TNS1: variants seen among roughly 807,000 people sequenced by gnomAD.
TNS1 encodes the protein tensin-1.
Under a neutral mutation model 168.6 loss-of-function variants are expected in TNS1, and 62 were observed. The ratio of observed to expected loss-of-function variants is 0.37; its 90% CI spans 0.30 to 0.45. The LOEUF (loss-of-function observed/expected upper bound fraction) is 0.45, where lower values mean the gene tolerates loss of function less well. Ranked by LOEUF, TNS1 falls within the 20% of genes least tolerant of loss-of-function variation. The probability of loss-of-function intolerance (pLI) is 1.00; values close to 1 mark genes in which losing one functional copy is unlikely to be tolerated. For missense variants in TNS1, 2,240 were observed against 2,339.4 expected, an observed-to-expected ratio of 0.96 and a Z score of 0.88; for synonymous variants, 934 against 933.2, an observed-to-expected ratio of 1.00 and a Z score of -0.02.
At chr2:217,983,082 ACAGC>A (rs1958096545) in intron 2 of TNS1, among the ~76,000 whole-genome samples, 2 of 152,078 alleles carry the variant, frequency 1.3e-5, no homozygotes, top group Admixed American at 1.3e-4. Context: ...TGCTGGGGAG[ACAGC>A]CAGTCTGTGA....
At chr2:217,968,917 A>T (rs1957713314) in intron 3 of TNS1, among the ~76,000 whole-genome samples, 1 of 151,938 alleles carries the variant, frequency 6.6e-6, no homozygotes, top group Non-Finnish European at 1.5e-5. Context: ...CTGGTCTCGA[A>T]CTCCTTACCC....
chr2:217,840,083 G>A (rs1451652074), intron 19 of TNS1, among the ~76,000 whole-genome samples: 1 of 152,248 alleles, frequency 6.6e-6, no homozygotes, highest in Admixed American at 6.5e-5. Context: ...CAGTCTGCTA[G>A]AGCCATCTCC....
intron 3 of TNS1, among the ~76,000 whole-genome samples, chr2:217,978,423 C>T (rs1350121017): frequency 6.6e-6 from 1 of 151,934 alleles, no homozygotes; most frequent in Non-Finnish European, 1.5e-5. Flanking sequence ...GGATCCCCTC[C>T]CCCTTTCCCT....
In TNS1 at chr2:217,813,660, G is replaced by A. The variant is rs920808110; in HGVS notation, c.4861+25C>T. On this transcript the variant is annotated intron_variant, in intron 26 of 32. Transcript: ENST00000682258. This position sits in a 1 kb window ranked among gnomAD's most constrained non-coding sequence, Gnocchi z 4.0. ...GACTGTAAAGCTCACCTGGTCCTGA[G>A]CCCCATTCTGGGAGATGAGGTTACC... 1.9e-6 allele frequency: 3 copies of A among 1,593,132 alleles called. No individual in the cohort carries two copies. The highest frequency in any genetic ancestry group is 1.1e-5 in the South Asian group (1 of 87,508).
intron 19 of TNS1, among the ~76,000 whole-genome samples, chr2:217,837,419 G>C (rs892408334): frequency 4.6e-5 from 7 of 152,210 alleles, no homozygotes; most frequent in African/African-American, 1.7e-4. Context: ...TACTTGTCAT[G>C]AACAGCAGGC....
At chr2:218,007,559 C>T (rs1411291014), upstream of TNS1, among the ~76,000 whole-genome samples, 5 of 11,560 alleles carry the variant, frequency 4.3e-4, no homozygotes, top group Non-Finnish European at 2.4e-4. Flanking sequence ...CCCTGAGGCT[C>T]GGGGGGTGGG....
At chr2:217,885,224 GGAGCC>G in intron 15 of TNS1, 60 bp from the exon 16 acceptor site, 1 of 1,608,620 alleles carries the variant, frequency 6.2e-7, no homozygotes, top group South Asian at 1.1e-5. Flanking sequence ...CAGGTCCCAG[GGAGCC>G]TCCTTATCAG....
At chr2:217,815,085 G>A in intron 24 of TNS1, 87 bp from the exon 25 acceptor site, 2 of 1,067,348 alleles carry the variant, frequency 1.9e-6, no homozygotes, top group Non-Finnish European at 2.8e-6. Flanking sequence ...CAGTGCTTGT[G>A]AATTTGACCT....
In TNS1 at chr2:217,821,683, C is replaced by G. The variant is rs1025442908; in HGVS notation, c.3572+57G>C. 9.3e-6 allele frequency: 13 copies of G among 1,397,440 alleles called. No individual in the cohort carries two copies. The Admixed American group carries it at 4.4e-4, about 47-fold the overall frequency. 86.6% of individuals were successfully genotyped at this position (1,397,440 alleles called of 1,614,324 possible). A position where few individuals can be genotyped will look rare whatever the true frequency, so the allele number is the denominator to read the frequency against. The stretch of plus-strand genomic sequence containing the variant: ...CAGATCCAGGAGGCCTCACCCATCC[C>G]GTCCCAGTCCCAGGCCCGGATTCCC... On this transcript the variant is annotated intron_variant, in intron 23 of 32. Coordinates refer to ENST00000682258, the MANE Select transcript of TNS1 (RefSeq NM_001387777.1).
chr2:217,942,397 C>T (rs1404770703), intron 3 of TNS1, among the ~76,000 whole-genome samples: 1 of 152,198 alleles, frequency 6.6e-6, no homozygotes, highest in Admixed American at 6.5e-5. Flanking sequence ...TGATCCCATT[C>T]GGGTCTCTCC....
chr2:217,940,257 C>T (rs977261233), intron 3 of TNS1, among the ~76,000 whole-genome samples: 2 of 152,244 alleles, frequency 1.3e-5, no homozygotes, highest in Admixed American at 6.5e-5. Flanking sequence ...TCTCCCTCCA[C>T]CCATTTCTGA....
intron 1 of TNS1, among the ~76,000 whole-genome samples, chr2:218,009,446 A>T (rs1232122238): frequency 6.6e-6 from 1 of 151,656 alleles, no homozygotes; most frequent in Non-Finnish European, 1.5e-5. Flanking sequence ...TGAGAATCCC[A>T]GGGAGACCGA....
At chr2:217,814,804 C>G (rs1941610826) in intron 25 of TNS1, 108 bp downstream of exon 25, 1 of 855,952 alleles carries the variant, frequency 1.2e-6, no homozygotes, top group Non-Finnish European at 1.9e-6. Context: ...TCTGTGATGA[C>G]CCCCTGCTAC....
intron 6 of TNS1, chr2:217,905,277 C>CA (rs1953523212): frequency 1.7e-5 from 6 of 351,734 alleles, no homozygotes; most frequent in South Asian, 1.3e-4. Context: ...ACCCCACGCC[C>CA]AGGGGAACTC....
chr2:217,998,244 T>TCTCTCTCTCTCTCC (rs1958504983), intron 1 of TNS1, among the ~76,000 whole-genome samples: 2 of 151,670 alleles, frequency 1.3e-5, no homozygotes, highest in South Asian at 4.2e-4. Flanking sequence ...TCTCTCTCTC[T>TCTCTCTCTCTCTCC]CCTGAGCGAG....
Position 217,916,458 on chromosome 2 carries a change from G to A in TNS1, c.228+3737C>T, listed in dbSNP as rs1048860048. Among the ~76,000 whole-genome samples the A allele has an allele frequency of 6.6e-5, 10 of 152,302 alleles. No homozygotes were observed. The South Asian group carries it at 1.5e-3, about 22-fold the overall frequency. On this transcript the variant is annotated intron_variant, in intron 4 of 32. Transcript: ENST00000682258. ...AGACCTGACATCCGCCGACCTTGGT[G>A]GCCAACCCATTTGGCGATCACCCTT...
chr2:217,976,663 A>C (rs1330724157), intron 3 of TNS1, among the ~76,000 whole-genome samples: 1 of 152,230 alleles, frequency 6.6e-6, no homozygotes, highest in African/African-American at 2.4e-5. Context: ...GCCCCCAAAA[A>C]GTCATCTTTG....
chr2:217,833,105 C>T (rs1019093761), intron 21 of TNS1, among the ~76,000 whole-genome samples: 1 of 152,208 alleles, frequency 6.6e-6, no homozygotes, highest in African/African-American at 2.4e-5. Flanking sequence ...TGCCTGGCCT[C>T]AGAGACGGTC....
At chr2:217,836,780 C>T (rs1245279539) in intron 19 of TNS1, among the ~76,000 whole-genome samples, 1 of 152,162 alleles carries the variant, frequency 6.6e-6, no homozygotes, top group Non-Finnish European at 1.5e-5. Flanking sequence ...ATCCGGTGTA[C>T]CGCTGAACCT....
Sources: gnomAD v4.1 joint callset for allele counts (sites outside exome capture counted in the v4.1 genomes callset) on GRCh38, gnomAD v4.1.1 for gene constraint, Gnocchi (gnomAD v3.1) non-coding constraint, MANE v1.5 for transcripts, NCBI Gene and HGNC (gene_info 2026-07-23, HGNC 2026-07-21) for gene names.